EHBP1: variants seen among roughly 807,000 people sequenced by gnomAD.
The protein encoded by EHBP1 is EH domain binding protein 1.
In EHBP1, 55 loss-of-function variants were observed where a neutral mutation model predicts 144.0. That is an observed-to-expected ratio of 0.38 (90% CI 0.31 to 0.48). The LOEUF is 0.48. EHBP1 is among the 20% of genes least tolerant of loss of function. The pLI is 0.98. For missense variants in EHBP1, 1,200 were observed against 1,364.2 expected (o/e 0.88, Z 1.90); for synonymous variants, 469 against 472.7 (o/e 0.99, Z 0.10).
intron 14 of EHBP1, among the ~76,000 whole-genome samples, chr2:62,962,692 A>C (rs1263453436): frequency 6.6e-6 from 1 of 152,220 alleles, no homozygotes; most frequent in Non-Finnish European, 1.5e-5. Flanking sequence ...AACAAATCTA[A>C]AAAGAGAATC....
At chr2:62,893,339 T>C (rs887562287) in intron 10 of EHBP1, among the ~76,000 whole-genome samples, 2 of 152,182 alleles carry the variant, frequency 1.3e-5, no homozygotes, top group African/African-American at 4.8e-5. Context: ...TCATAACTTT[T>C]TTTTAAACGG....
At chr2:62,783,409 C>T (rs903594797) in intron 5 of EHBP1, among the ~76,000 whole-genome samples, 1 of 152,252 alleles carries the variant, frequency 6.6e-6, no homozygotes, top group African/African-American at 2.4e-5. Flanking sequence ...TGACACTTCC[C>T]TTCCACACAG....
chr2:62,788,289 C>G (rs2042946781), intron 5 of EHBP1, among the ~76,000 whole-genome samples: 1 of 151,996 alleles, frequency 6.6e-6, no homozygotes, highest in Non-Finnish European at 1.5e-5. Context: ...TTATTTAAAT[C>G]ACCCAACTTC....
intron 15 of EHBP1, among the ~76,000 whole-genome samples, chr2:62,982,691 A>G (rs2059022990): frequency 6.6e-6 from 1 of 152,188 alleles, no homozygotes; most frequent in Admixed American, 6.5e-5. Flanking sequence ...CAGAGTGATA[A>G]AAGAGGGTAG....
intron 10 of EHBP1, among the ~76,000 whole-genome samples, chr2:62,914,083 G>A (rs927075817): frequency 6.6e-6 from 1 of 152,124 alleles, no homozygotes; most frequent in Non-Finnish European, 1.5e-5. Context: ...CAGGTTGACT[G>A]TTTAGACAGA....
At chr2:62,816,533 G>T (rs1473111446) in intron 5 of EHBP1, among the ~76,000 whole-genome samples, 3 of 152,106 alleles carry the variant, frequency 2.0e-5, no homozygotes, top group African/African-American at 7.2e-5. Flanking sequence ...AAAAGCCAGT[G>T]ATTATCAGAC....
chr2:62,763,837 T>G (rs1477575866), intron 3 of EHBP1, among the ~76,000 whole-genome samples: 2 of 152,162 alleles, frequency 1.3e-5, no homozygotes, highest in Non-Finnish European at 2.9e-5. Flanking sequence ...AAATGCAAAG[T>G]TATACAGTTA....
At chr2:63,032,701 C>G (rs1395130683) in intron 19 of EHBP1, among the ~76,000 whole-genome samples, 1 of 151,170 alleles carries the variant, frequency 6.6e-6, no homozygotes, top group African/African-American at 2.4e-5. Flanking sequence ...TGAGGAAGAA[C>G]TTTGGTGAAG....
intron 5 of EHBP1, among the ~76,000 whole-genome samples, chr2:62,802,247 G>A (rs1230700545): frequency 2.0e-5 from 3 of 152,136 alleles, no homozygotes; most frequent in African/African-American, 7.2e-5. Flanking sequence ...TTCCCCGGGG[G>A]AATATTTGGC....
At chr2:63,020,323 C>CAAAAAAAAAA (rs1001418542) in intron 19 of EHBP1, among the ~76,000 whole-genome samples, 15 of 45,232 alleles carry the variant, frequency 3.3e-4, no homozygotes, top group East Asian at 1.3e-3. Context: ...GACTCTGTCT[C>CAAAAAAAAAA]AAAAAAAAAA....
intron 19 of EHBP1, among the ~76,000 whole-genome samples, chr2:63,017,715 AG>A (rs1260130051): frequency 6.6e-6 from 1 of 152,238 alleles, no homozygotes; most frequent in African/African-American, 2.4e-5. Context: ...CACTAAAAAA[AG>A]GTATAATGAA....
intron 1 of EHBP1, among the ~76,000 whole-genome samples, chr2:62,685,670 T>A (rs2033694151): frequency 6.6e-6 from 1 of 152,184 alleles, no homozygotes; most frequent in Admixed American, 6.5e-5. Flanking sequence ...TGGAGCACAA[T>A]TCAACCCACA....
chr2:62,890,909 G>A (rs1184217746), intron 10 of EHBP1, among the ~76,000 whole-genome samples: 1 of 152,176 alleles, frequency 6.6e-6, no homozygotes, highest in Non-Finnish European at 1.5e-5. Flanking sequence ...GGCTGGGCAC[G>A]GCGGCTCACG....
intron 2 of EHBP1, among the ~76,000 whole-genome samples, chr2:62,717,440 A>T (rs2035789438): frequency 6.6e-6 from 1 of 152,240 alleles, no homozygotes; most frequent in Non-Finnish European, 1.5e-5. Flanking sequence ...AGCATTTTGA[A>T]TACTCAATAG....
At chr2:62,770,113 AG>A (rs1250772777) in intron 4 of EHBP1, among the ~76,000 whole-genome samples, 1 of 152,196 alleles carries the variant, frequency 6.6e-6, no homozygotes, top group Non-Finnish European at 1.5e-5. Context: ...GAACTGGCAA[AG>A]ATTTCATGAC....
At chr2:62,919,256 T>C (rs1256387984) in intron 10 of EHBP1, among the ~76,000 whole-genome samples, 2 of 152,256 alleles carry the variant, frequency 1.3e-5, no homozygotes, top group African/African-American at 4.8e-5. Context: ...TCTTGCTGAT[T>C]GAAGTGACTT....
rs1205139645 is a variant in EHBP1 at position 62,864,916 on chromosome 2, A to G, written c.943A>G (p.Met315Val). ...TKRKNIRPVD[M>V]SKYLYADSSK... ...AAGAAAAAATATAAGACCTGTGGAT[A>G]TGAGCAAGTACCTCTATGCTGATAG... The change falls in exon 9 of 23, where the codon ATG becomes GTG. Residue 315 changes from methionine (M) to valine (V), a missense_variant. Physicochemically the swap from Met to Val is conservative, Grantham distance 21. Coordinates refer to ENST00000431489, the MANE Select transcript of EHBP1 (RefSeq NM_001142616.3). 1.2e-6 allele frequency: 2 copies of G among 1,614,040 alleles called. No homozygotes were observed. Among genetic ancestry groups the G allele is most frequent in the South Asian group, 2.2e-5 (2 of 91,082 alleles).
At chr2:62,750,934 G>A (rs1218858872) in intron 3 of EHBP1, among the ~76,000 whole-genome samples, 1 of 152,078 alleles carries the variant, frequency 6.6e-6, no homozygotes, top group Non-Finnish European at 1.5e-5. Flanking sequence ...CTGCAAACAG[G>A]GACAATTTTA....
At chr2:62,932,063 G>C (rs757312597) in intron 10 of EHBP1, among the ~76,000 whole-genome samples, 18 of 151,926 alleles carry the variant, frequency 1.2e-4, no homozygotes, top group Non-Finnish European at 2.1e-4. Context: ...TGTGGTCCCA[G>C]CTACTTGGGA....
Sources: gnomAD v4.1 joint callset for allele counts (sites outside exome capture counted in the v4.1 genomes callset) on GRCh38, gnomAD v4.1.1 for gene constraint, MANE v1.5 for transcripts, NCBI Gene and HGNC (gene_info 2026-07-23, HGNC 2026-07-21) for gene names.